EDIL3: variants seen among roughly 807,000 people sequenced by gnomAD.
The protein encoded by EDIL3 is EGF-like repeat and discoidin I-like domain-containing protein 3.
EDIL3 carries 37 observed loss-of-function variants against 67.4 expected under a neutral mutation model. The observed-to-expected ratio is 0.55, with a 90% CI of 0.42 to 0.72. EDIL3 has a LOEUF of 0.72. Ranked by LOEUF, EDIL3 falls within the 30% of genes least tolerant of loss-of-function variation. The pLI is 0.00. For synonymous variants in EDIL3, 195 were observed against 196.3 expected, an observed-to-expected ratio of 0.99 and a Z score of 0.05; for missense variants, 527 against 586.3, an observed-to-expected ratio of 0.90 and a Z score of 1.04.
intron 1 of EDIL3, among the ~76,000 whole-genome samples, chr5:84,279,813 T>A (rs1445754): frequency 0.81 from 123,645 of 152,108 alleles, 50,608 homozygotes; most frequent in East Asian, 0.95. Context: ...AATTGTTTGA[T>A]CATTTTACTG....
At chr5:84,312,108 G>A (rs1016998160) in intron 1 of EDIL3, among the ~76,000 whole-genome samples, 4 of 152,084 alleles carry the variant, frequency 2.6e-5, no homozygotes, top group South Asian at 2.1e-4. Flanking sequence ...GCTGGGCAGC[G>A]GGGCTCCTCA....
chr5:83,974,488 A>T (rs1017381267), intron 9 of EDIL3, among the ~76,000 whole-genome samples: 3 of 151,954 alleles, frequency 2.0e-5, no homozygotes, highest in African/African-American at 7.2e-5. Flanking sequence ...TTAAAAAAAA[A>T]ATTTTTTTGT....
intron 9 of EDIL3, among the ~76,000 whole-genome samples, chr5:84,003,997 G>GA (rs367584038): frequency 0.069 from 8,268 of 119,286 alleles, 416 homozygotes; most frequent in South Asian, 0.17. Context: ...CAAGCAAAAA[G>GA]AAAAAAAAAA....
At position 84,072,362 on chromosome 5, in the gene EDIL3, A is replaced by G. The variant is rs73769720; in HGVS notation, c.652-5756T>C. On this transcript the variant is annotated intron_variant, in intron 6 of 10. Transcript: ENST00000296591. ...GAATATGGATTTTAAACATATGAAAAGATAATCATATTCATAAAAAAGTAA... is the reference window on the plus strand; with the variant it reads ...GAATATGGATTTTAAACATATGAAAGGATAATCATATTCATAAAAAAGTAA... Among the ~76,000 whole-genome samples, 1,033 of 152,222 alleles carry G rather than the reference A, an allele frequency of 6.8e-3. 15 individuals are homozygous for G. Among genetic ancestry groups the G allele is most frequent in the African/African-American group, 0.024 (998 of 41,558 alleles).
At chr5:84,255,889 G>C (rs1373279589) in intron 1 of EDIL3, among the ~76,000 whole-genome samples, 1 of 152,110 alleles carries the variant, frequency 6.6e-6, no homozygotes, top group African/African-American at 2.4e-5. Context: ...ATCTGGAATG[G>C]CTAAGAAAGT....
chr5:84,058,675 C>T (rs986511935), intron 9 of EDIL3, among the ~76,000 whole-genome samples: 17 of 152,104 alleles, frequency 1.1e-4, no homozygotes, highest in African/African-American at 3.4e-4. Context: ...GAAACATCTG[C>T]TACGAGGATG....
chr5:84,330,164 C>G (rs1403561559), intron 1 of EDIL3, among the ~76,000 whole-genome samples: 1 of 152,044 alleles, frequency 6.6e-6, no homozygotes, highest in Non-Finnish European at 1.5e-5. Context: ...ATAAGTAAGA[C>G]AGAGACTAAC....
rs549358646 is a variant in EDIL3, at chr5:84,153,934, T to C, written c.356-16580A>G. On this transcript the variant is annotated intron_variant, in intron 4 of 10. Coordinates refer to ENST00000296591, the MANE Select transcript of EDIL3 (RefSeq NM_005711.5). ...CAGACATCTGAGTGTTGCTGGGGAGTGGTGTCAAGAGATCTAGAGTGGGCT... is the reference window on the plus strand; with the variant it reads ...CAGACATCTGAGTGTTGCTGGGGAGCGGTGTCAAGAGATCTAGAGTGGGCT... Among the ~76,000 whole-genome samples, 11 of 151,970 alleles carry C rather than the reference T, an allele frequency of 7.2e-5. No homozygotes were observed. In the East Asian group the frequency reaches 1.9e-3, roughly 27 times the overall value.
At chr5:83,960,559 A>G (rs1321433104) in intron 10 of EDIL3, among the ~76,000 whole-genome samples, 5 of 151,200 alleles carry the variant, frequency 3.3e-5, no homozygotes, top group East Asian at 1.9e-4. Flanking sequence ...TCATGTCCAA[A>G]TTGTATGTTA....
At chr5:84,279,932 A>T (rs1233260680) in intron 1 of EDIL3, among the ~76,000 whole-genome samples, 1 of 152,174 alleles carries the variant, frequency 6.6e-6, no homozygotes, top group African/African-American at 2.4e-5. Flanking sequence ...CTTTGCCGCT[A>T]TTTAATGTAC....
intron 1 of EDIL3, among the ~76,000 whole-genome samples, chr5:84,313,806 T>C (rs545082664): frequency 2.6e-5 from 4 of 152,160 alleles, no homozygotes; most frequent in Non-Finnish European, 5.9e-5. Context: ...GAATTTGCAG[T>C]CAAATTGTGT....
chr5:84,294,105 C>T (rs952732456), intron 1 of EDIL3, among the ~76,000 whole-genome samples: 6 of 151,290 alleles, frequency 4.0e-5, no homozygotes, highest in African/African-American at 9.8e-5. Context: ...CATCATCGGC[C>T]GGGTGCGGTG....
At chr5:84,329,883 T>G (rs1746837002) in intron 1 of EDIL3, among the ~76,000 whole-genome samples, 1 of 151,788 alleles carries the variant, frequency 6.6e-6, no homozygotes, top group South Asian at 2.1e-4. Context: ...AAAAAATAGA[T>G]TAAGAATTAT....
At chr5:84,003,845 G>C (rs768125987) in intron 9 of EDIL3, among the ~76,000 whole-genome samples, 6 of 152,004 alleles carry the variant, frequency 3.9e-5, no homozygotes, top group Middle Eastern at 3.4e-3. Flanking sequence ...AATTTAAACA[G>C]GTTAAATGTC....
chr5:84,365,545 G>C (rs1364301345), intron 1 of EDIL3, among the ~76,000 whole-genome samples: 1 of 152,050 alleles, frequency 6.6e-6, no homozygotes, highest in Non-Finnish European at 1.5e-5. Flanking sequence ...GGTGGAAAGA[G>C]TAAAAAGAAA....
chr5:84,227,922 G>T (rs897992259), intron 3 of EDIL3, among the ~76,000 whole-genome samples: 4 of 152,068 alleles, frequency 2.6e-5, no homozygotes, highest in Non-Finnish European at 5.9e-5. Flanking sequence ...GACTACTAGA[G>T]AGTGGAGGAG....
rs186411603 is a variant in EDIL3 at position 84,087,831 on chromosome 5, C to G, written c.651+18818G>C. On this transcript the variant is annotated intron_variant, in intron 6 of 10. Coordinates refer to ENST00000296591, the MANE Select transcript of EDIL3 (RefSeq NM_005711.5). ...GGTTAGGGAAAGCTTCCCTGAGGAA[C>G]TGGCATCTATACAGCAATTGGCACA... Among the ~76,000 whole-genome samples, 58 of 152,156 alleles carry G rather than the reference C, an allele frequency of 3.8e-4. 2 individuals carry two copies. In the East Asian group the frequency reaches 0.01, roughly 27 times the overall value.
intron 1 of EDIL3, among the ~76,000 whole-genome samples, chr5:84,314,970 T>A (rs906234050): frequency 6.6e-6 from 1 of 152,156 alleles, no homozygotes; most frequent in Non-Finnish European, 1.5e-5. Context: ...GGAAGCATAA[T>A]GTGTGCTACT....
In EDIL3 at chr5:84,312,322, C is replaced by A. The variant is rs368130446; in HGVS notation, c.68-58110G>T. On this transcript the variant is annotated intron_variant, in intron 1 of 10. Transcript: ENST00000296591. The stretch of plus-strand genomic sequence containing the variant: ...CCTCCCTCCCCGACGGGGCGGCTGG[C>A]CGGGTGGGGGGCTGACCCCCCCACC... Among the ~76,000 whole-genome samples, 11 of 140,600 alleles carry A rather than the reference C, an allele frequency of 7.8e-5. No individual in the cohort carries two copies. In the East Asian group the frequency reaches 2.2e-3, roughly 29 times the overall value. 92.2% of individuals were successfully genotyped at this position (140,600 alleles called of 152,430 possible).
Sources: allele counts gnomAD v4.1 joint callset (sites outside exome capture counted in the v4.1 genomes callset), GRCh38; gene constraint gnomAD v4.1.1; transcripts MANE v1.5; gene names NCBI Gene and HGNC (gene_info 2026-07-23, HGNC 2026-07-21).